ZHX3: variants seen among roughly 807,000 people sequenced by gnomAD.
ZHX3 encodes the protein zinc fingers and homeoboxes protein 3.
A neutral mutation model predicts 64.5 loss-of-function variants in ZHX3; 20 were observed. The ratio of observed to expected loss-of-function variants is 0.31; its 90% CI spans 0.22 to 0.45. The LOEUF (loss-of-function observed/expected upper bound fraction) is 0.45. ZHX3 is among the 20% of genes least tolerant of loss of function. ZHX3 has a pLI of 1.00. For missense variants in ZHX3, 1,041 were observed against 1,195.8 expected (o/e 0.87, Z 1.91); for synonymous variants, 423 against 461.6 (o/e 0.92, Z 1.07).
chr20:41,195,911 T>A lies in ZHX3; in HGVS notation c.2860+6146A>T, dbSNP rs529310599. Among the ~76,000 whole-genome samples the A allele has an allele frequency of 3.3e-5, 5 of 152,312 alleles. No homozygotes were observed. Among genetic ancestry groups the A allele is most frequent in the African/African-American group, 1.2e-4 (5 of 41,558 alleles). On this transcript the variant is annotated intron_variant, in intron 3 of 3. Coordinates refer to ENST00000683867, the MANE Select transcript of ZHX3 (RefSeq NM_001384317.1). This position sits in a 1 kb window ranked among gnomAD's most constrained non-coding sequence, Gnocchi z 4.2. ...ACCTATTTGTGTATTTCCACTTTTT[T>A]ATTTTCAATGTCTAGTTTCATTCCA...
chr20:41,202,010 C>T lies in ZHX3; in HGVS notation c.2860+47G>A. 6.6e-7 allele frequency: 1 copy of T among 1,520,234 alleles called. No homozygotes were observed. The highest frequency in any genetic ancestry group is 8.8e-7 in the Non-Finnish European group (1 of 1,134,886). 94.2% of individuals were successfully genotyped at this position (1,520,234 alleles called of 1,614,324 possible). A position where few individuals can be genotyped will look rare whatever the true frequency, so the allele number is the denominator to read the frequency against. On this transcript the variant is annotated intron_variant, in intron 3 of 3. Coordinates refer to ENST00000683867, the MANE Select transcript of ZHX3 (RefSeq NM_001384317.1). The surrounding 1 kb of genome is among the most constrained non-coding windows in gnomAD (Gnocchi z 7.0). Reference sequence around the variant, plus strand: ...TTCAGTGCCCAACCATAAGTGCCTCCTCCCCTTACCCACACAGGATAGCCA... The same window carrying T: ...TTCAGTGCCCAACCATAAGTGCCTCTTCCCCTTACCCACACAGGATAGCCA...
At chr20:41,234,829 C>A (rs775123450) in intron 2 of ZHX3, among the ~76,000 whole-genome samples, 42 of 152,226 alleles carry the variant, frequency 2.8e-4, no homozygotes, top group Non-Finnish European at 5.0e-4. Context: ...ATTCTAGAAG[C>A]AGCATGCAGG....
chr20:41,197,288 T>C (rs2037803994), intron 3 of ZHX3: 1 of 146,026 alleles, frequency 6.8e-6, no homozygotes, highest in East Asian at 1.9e-4. Flanking sequence ...AAAATACATA[T>C]ATATTTTATA....
chr20:41,295,554 C>T (rs1415011075), intron 1 of ZHX3, among the ~76,000 whole-genome samples: 4 of 152,102 alleles, frequency 2.6e-5, no homozygotes, highest in African/African-American at 7.2e-5. Context: ...GTTGGCTGTA[C>T]AATACTTTTA....
chr20:41,205,223 C>A (rs1451835610), intron 2 of ZHX3, among the ~76,000 whole-genome samples, 157 bp from the exon 3 acceptor site: 1 of 152,046 alleles, frequency 6.6e-6, no homozygotes, highest in East Asian at 1.9e-4. Context: ...GTTAGGAACC[C>A]CCTAATGACA....
chr20:41,276,158 T>A (rs914141297), intron 1 of ZHX3, among the ~76,000 whole-genome samples: 1 of 152,190 alleles, frequency 6.6e-6, no homozygotes, highest in Non-Finnish European at 1.5e-5. Flanking sequence ...GTATGCTCAA[T>A]ACCTGAATGT....
intron 2 of ZHX3, among the ~76,000 whole-genome samples, chr20:41,240,921 G>C (rs2041340253): frequency 6.6e-6 from 1 of 152,080 alleles, no homozygotes; most frequent in South Asian, 2.1e-4. Flanking sequence ...TCTGTTGATG[G>C]GCACATAGGT....
At chr20:41,209,511 A>T (rs1029125760) in intron 2 of ZHX3, among the ~76,000 whole-genome samples, 1 of 152,198 alleles carries the variant, frequency 6.6e-6, no homozygotes, top group African/African-American at 2.4e-5. Context: ...AGACCAATGG[A>T]ACAGAACAGA....
intron 2 of ZHX3, among the ~76,000 whole-genome samples, chr20:41,262,094 G>T (rs2042590245): frequency 6.6e-6 from 1 of 152,066 alleles, no homozygotes. Flanking sequence ...TTTAGATTCT[G>T]CCCCGAAATT....
chr20:41,215,575 C>T (rs2039459571), intron 2 of ZHX3, among the ~76,000 whole-genome samples: 2 of 151,996 alleles, frequency 1.3e-5, no homozygotes, highest in African/African-American at 2.4e-5. Context: ...TCTTGACAGA[C>T]TCTTCCAAGC....
intron 1 of ZHX3, among the ~76,000 whole-genome samples, chr20:41,283,506 C>CCCAG (rs1160886335): frequency 6.6e-6 from 1 of 152,164 alleles, no homozygotes; most frequent in Non-Finnish European, 1.5e-5. Context: ...CGCCTGTAAT[C>CCCAG]CCAGCACTTT....
intron 1 of ZHX3, among the ~76,000 whole-genome samples, chr20:41,280,316 C>T (rs914583562): frequency 2.0e-5 from 3 of 152,124 alleles, no homozygotes. Flanking sequence ...ATTGCCTGGG[C>T]CCCACCGCAA....
At chr20:41,248,040 A>C (rs2041799902) in intron 2 of ZHX3, among the ~76,000 whole-genome samples, 1 of 152,052 alleles carries the variant, frequency 6.6e-6, no homozygotes, top group Non-Finnish European at 1.5e-5. Flanking sequence ...CTCCAGTTTC[A>C]CTGTCTGCTA....
chr20:41,193,664 T>TTG (rs142117067), intron 3 of ZHX3, among the ~76,000 whole-genome samples: 2 of 151,744 alleles, frequency 1.3e-5, no homozygotes, highest in Non-Finnish European at 2.9e-5. Flanking sequence ...TTAACTATTT[T>TTG]TGTGTGTGTG....
intron 1 of ZHX3, among the ~76,000 whole-genome samples, chr20:41,275,624 A>G (rs1394888757): frequency 6.6e-6 from 1 of 152,246 alleles, no homozygotes; most frequent in Non-Finnish European, 1.5e-5. Flanking sequence ...GGTCAGCATA[A>G]CATCCGTAGG....
At chr20:41,302,759 C>A (rs558649821) in intron 1 of ZHX3, among the ~76,000 whole-genome samples, 7 of 152,224 alleles carry the variant, frequency 4.6e-5, no homozygotes, top group Non-Finnish European at 1.0e-4. Context: ...ACCTGGAAAC[C>A]ATGGTTTGAA....
chr20:41,293,604 T>C (rs2044359210), intron 1 of ZHX3, among the ~76,000 whole-genome samples: 1 of 152,172 alleles, frequency 6.6e-6, no homozygotes, highest in Middle Eastern at 3.2e-3. Context: ...TCAGACCACT[T>C]CTAGAGAACT....
chr20:41,281,714 T>C (rs955202997), intron 1 of ZHX3, among the ~76,000 whole-genome samples: 3 of 152,128 alleles, frequency 2.0e-5, no homozygotes, highest in African/African-American at 4.8e-5. Flanking sequence ...GAGCACAACA[T>C]GAGGTTAATT....
At chr20:41,286,086 T>A (rs991110918) in intron 1 of ZHX3, among the ~76,000 whole-genome samples, 2 of 152,128 alleles carry the variant, frequency 1.3e-5, no homozygotes, top group Admixed American at 1.3e-4. Context: ...ATGCAAAAAA[T>A]TATAAAGACA....
Sources: gnomAD v4.1 joint callset for allele counts (sites outside exome capture counted in the v4.1 genomes callset) on GRCh38, gnomAD v4.1.1 for gene constraint, Gnocchi (gnomAD v3.1) non-coding constraint, MANE v1.5 for transcripts, NCBI Gene and HGNC (gene_info 2026-07-23, HGNC 2026-07-21) for gene names.